The following NFAM1 variants were observed in gnomAD, a reference collection of about 807,000 sequenced individuals.
The protein encoded by NFAM1 is NFAT activating protein with ITAM motif 1.
Under a neutral mutation model 29.0 loss-of-function variants are expected in NFAM1, and 17 were observed. The ratio of observed to expected loss-of-function variants is 0.59; its 90% CI spans 0.40 to 0.88. The LOEUF (loss-of-function observed/expected upper bound fraction) is 0.88, where lower values mean the gene tolerates loss of function less well. NFAM1 is among the 40% of genes least tolerant of loss of function. NFAM1 has a pLI of 0.00. For missense variants in NFAM1, 324 were observed against 344.6 expected (o/e 0.94, Z 0.47); for synonymous variants, 175 against 147.2 (o/e 1.19, Z -1.36).
intron 1 of NFAM1, among the ~76,000 whole-genome samples, chr22:42,431,399 C>G (rs1449940284): frequency 6.6e-6 from 1 of 152,206 alleles, no homozygotes; most frequent in South Asian, 2.1e-4. Context: ...GGAAGGCACC[C>G]TGTCTCCACA....
At chr22:42,413,751 TAAC>T (rs931232899) in intron 1 of NFAM1, among the ~76,000 whole-genome samples, 12 of 151,604 alleles carry the variant, frequency 7.9e-5, no homozygotes, top group Admixed American at 2.6e-4. Context: ...ACAACAATAA[TAAC>T]AACAACAACA....
chr22:42,437,790 A>G, the NFAM1 span, among the ~76,000 whole-genome samples: 1 of 152,114 alleles, frequency 6.6e-6, no homozygotes. Context: ...CGGCAGTGGG[A>G]TAGGGCAGTG....
chr22:42,412,850 T>A (rs926725104), intron 1 of NFAM1, among the ~76,000 whole-genome samples: 2 of 152,150 alleles, frequency 1.3e-5, no homozygotes, highest in Non-Finnish European at 2.9e-5. Context: ...CGTGGGGCCA[T>A]TTCGGCTGTG....
rs374966731 is a variant in NFAM1, at chr22:42,411,677, T to C, written c.181A>G (p.Ile61Val). 7.7e-5 allele frequency: 124 copies of C among 1,613,836 alleles called. No individual in the cohort carries two copies. Among genetic ancestry groups the C allele is most frequent in the Middle Eastern group, 3.3e-4 (2 of 6,084 alleles). The change falls in exon 2 of 6, where the codon ATC becomes GTC. Residue 61 changes from isoleucine (I) to valine (V), a missense_variant. By Grantham distance (29) the Ile-to-Val change is conservative (BLOSUM62 3). Coordinates refer to ENST00000329021, the MANE Select transcript of NFAM1 (RefSeq NM_145912.8). ...PIMASLANTA[I>V]SFSCRITYPY... ...TAGGTGATCCTGCAGCTGAAGGAGATAGCTGTGTTGGCCAGGGAGGCCATG... is the reference window on the plus strand; with the variant it reads ...TAGGTGATCCTGCAGCTGAAGGAGACAGCTGTGTTGGCCAGGGAGGCCATG...
At chr22:42,403,195 G>A (rs1929785656) in intron 3 of NFAM1, among the ~76,000 whole-genome samples, 1 of 152,132 alleles carries the variant, frequency 6.6e-6, no homozygotes, top group African/African-American at 2.4e-5. Flanking sequence ...CCCCACTGGG[G>A]AAACCGAAGC....
intron 1 of NFAM1, among the ~76,000 whole-genome samples, chr22:42,422,665 G>C (rs368632018): frequency 3.3e-5 from 5 of 152,256 alleles, no homozygotes; most frequent in Admixed American, 1.3e-4. Context: ...GCTCATTTGA[G>C]AGTGTGGTCT....
At chr22:42,421,785 T>G (rs532844774) in intron 1 of NFAM1, among the ~76,000 whole-genome samples, 1 of 152,366 alleles carries the variant, frequency 6.6e-6, no homozygotes, top group South Asian at 2.1e-4. Context: ...CCCACAGTCT[T>G]TATTTTAGGC....
At chr22:42,405,277 T>G (rs1263698128) in intron 3 of NFAM1, among the ~76,000 whole-genome samples, 2 of 152,210 alleles carry the variant, frequency 1.3e-5, no homozygotes, top group Non-Finnish European at 2.9e-5. Flanking sequence ...CCCCGTTCTG[T>G]TCCTTGCCTA....
chr22:42,395,483 A>T (rs112509895), intron 4 of NFAM1, among the ~76,000 whole-genome samples: 73 of 151,666 alleles, frequency 4.8e-4, no homozygotes, highest in South Asian at 3.1e-3. Flanking sequence ...TCTCAAAAAA[A>T]AATAATAATA....
At chr22:42,435,586 A>G (rs1426113607), upstream of NFAM1, among the ~76,000 whole-genome samples, 2 of 151,986 alleles carry the variant, frequency 1.3e-5, no homozygotes, top group East Asian at 1.9e-4. Context: ...ACCTCAGGTG[A>G]TCCGCCCACC....
At chr22:42,435,449 G>A (rs1930916715), upstream of NFAM1, among the ~76,000 whole-genome samples, 1 of 151,582 alleles carries the variant, frequency 6.6e-6, no homozygotes, top group Admixed American at 6.6e-5. Flanking sequence ...CCGGGTTCAA[G>A]TGATTCTCCT....
At chr22:42,424,961 G>A (rs773453262) in intron 1 of NFAM1, among the ~76,000 whole-genome samples, 51 of 147,498 alleles carry the variant, frequency 3.5e-4, no homozygotes, top group Middle Eastern at 6.8e-3. Flanking sequence ...TTGCTCTGTC[G>A]CCCAGGCTGG....
At chr22:42,412,914 C>T (rs1226541291) in intron 1 of NFAM1, among the ~76,000 whole-genome samples, 2 of 152,198 alleles carry the variant, frequency 1.3e-5, no homozygotes, top group Non-Finnish European at 2.9e-5. Context: ...CACCCCTCCC[C>T]CCACTCATCA....
intron 1 of NFAM1, among the ~76,000 whole-genome samples, chr22:42,421,399 C>T (rs543711415): frequency 1.3e-5 from 2 of 148,154 alleles, no homozygotes; most frequent in Non-Finnish European, 3.0e-5. Flanking sequence ...GAGCCGAGAT[C>T]GCATCATTGC....
intron 4 of NFAM1, among the ~76,000 whole-genome samples, chr22:42,395,358 C>T (rs545562451): frequency 5.5e-4 from 84 of 151,996 alleles, no homozygotes; most frequent in Middle Eastern, 3.4e-3. Flanking sequence ...CTCCTGTAAT[C>T]CCAGCTACTC....
At chr22:42,408,532 C>G (rs1929974378) in intron 3 of NFAM1, among the ~76,000 whole-genome samples, 1 of 152,236 alleles carries the variant, frequency 6.6e-6, no homozygotes. Context: ...CCTGACCCAT[C>G]AGCTTTGCAC....
rs542344880 is a variant in NFAM1, at chr22:42,382,926, G to C, written c.*2235C>G. 6.5e-6 allele frequency: 1 copy of C among 152,988 alleles called. No individual in the cohort carries two copies. Among genetic ancestry groups the C allele is most frequent in the African/African-American group, 2.4e-5 (1 of 41,566 alleles). 9.5% of individuals were successfully genotyped at this position (152,988 alleles called of 1,614,324 possible). On this transcript the variant is annotated 3_prime_UTR_variant, in exon 6 of 6. Coordinates refer to ENST00000329021, the MANE Select transcript of NFAM1 (RefSeq NM_145912.8). ...GCTGGCAATGTCTCTGTCCACCAGA[G>C]GGGTGATGGGTCAGCCCCCAAGAAC...
At chr22:42,400,540 C>G (rs1481877983) in intron 3 of NFAM1, among the ~76,000 whole-genome samples, 2 of 152,290 alleles carry the variant, frequency 1.3e-5, no homozygotes, top group Middle Eastern at 3.4e-3. Context: ...TTGCTTGAAC[C>G]TGGGAGGTGG....
At chr22:42,389,141 G>C (rs1472415320) in intron 4 of NFAM1, among the ~76,000 whole-genome samples, 2 of 152,242 alleles carry the variant, frequency 1.3e-5, no homozygotes, top group African/African-American at 2.4e-5. Flanking sequence ...TGTCTCGGCA[G>C]GGGAGTAGAT....
Sources: gnomAD v4.1 joint callset for allele counts (sites outside exome capture counted in the v4.1 genomes callset) on GRCh38, gnomAD v4.1.1 for gene constraint, MANE v1.5 for transcripts, NCBI Gene and HGNC (gene_info 2026-07-23, HGNC 2026-07-21) for gene names.